Variants in ARRDC2 observed in about 807,000 individuals in gnomAD.
ARRDC2 encodes arrestin domain-containing protein 2.
Under a neutral mutation model 38.9 loss-of-function variants are expected in ARRDC2, and 39 were observed. The ratio of observed to expected loss-of-function variants is 1.00; its 90% CI spans 0.78 to 1.31. The LOEUF is 1.31. ARRDC2 is among the 50% of genes most tolerant of loss of function. ARRDC2 has a pLI of 0.00. For missense variants in ARRDC2, 553 were observed against 588.4 expected (o/e 0.94, Z 0.62); for synonymous variants, 300 against 261.9 (o/e 1.15, Z -1.41).
rs2033323609 is a variant in ARRDC2, at chr19:18,008,235, G to C, written c.-76G>C. 1.3e-6 allele frequency: 2 copies of C among 1,549,406 alleles called. No individual in the cohort carries two copies. Among genetic ancestry groups the C allele is most frequent in the African/African-American group, 1.4e-5 (1 of 69,998 alleles). ...GGCGATTTTGCGTTCTGAGGCTGCAGCGTCGGCATCTTGAGCTGCCGGTTC... is the reference window on the plus strand; with the variant it reads ...GGCGATTTTGCGTTCTGAGGCTGCACCGTCGGCATCTTGAGCTGCCGGTTC... On this transcript the variant is annotated 5_prime_UTR_variant, in exon 1 of 8. Coordinates refer to ENST00000222250, the MANE Select transcript of ARRDC2 (RefSeq NM_015683.2).
intron 7 of ARRDC2, among the ~76,000 whole-genome samples, chr19:18,011,853 C>A (rs2033417652): frequency 6.6e-6 from 1 of 150,764 alleles, no homozygotes; most frequent in Admixed American, 6.6e-5. Context: ...AAAACAAGAC[C>A]TCATCTCAAT....
chr19:18,008,115 G>GTGGGGGC, upstream of ARRDC2: 16 of 810,028 alleles, frequency 2.0e-5, no homozygotes, highest in Non-Finnish European at 2.2e-5. Context: ...AAGAGACGGT[G>GTGGGGGC]ACCCCACCCC....
upstream of ARRDC2, among the ~76,000 whole-genome samples, chr19:18,006,511 C>A (rs2033282074): frequency 6.6e-6 from 1 of 152,118 alleles, no homozygotes; most frequent in South Asian, 2.1e-4. Context: ...CGCAGGCACT[C>A]GGCAGGCTGA....
At chr19:18,011,601 C>T (rs1181553170) in intron 7 of ARRDC2, among the ~76,000 whole-genome samples, 2 of 151,992 alleles carry the variant, frequency 1.3e-5, no homozygotes, top group Non-Finnish European at 2.9e-5. Flanking sequence ...TGCGGTGGCT[C>T]ATGCCTGTAA....
At chr19:18,009,222 C>T in intron 3 of ARRDC2, 104 bp downstream of exon 3, 1 of 1,387,324 alleles carries the variant, frequency 7.2e-7, no homozygotes, top group South Asian at 1.3e-5. Context: ...TAGGTGGGCC[C>T]TGGCAGGGAG....
chr19:18,004,407 C>T (rs1413658391), upstream of ARRDC2, among the ~76,000 whole-genome samples: 1 of 150,400 alleles, frequency 6.6e-6, no homozygotes, highest in Non-Finnish European at 1.5e-5. Context: ...GCCACCACAC[C>T]CGGTAAATTT....
chr19:18,004,997 A>G (rs2033243504), upstream of ARRDC2, among the ~76,000 whole-genome samples: 1 of 151,108 alleles, frequency 6.6e-6, no homozygotes, highest in Admixed American at 6.7e-5. Flanking sequence ...AAAAAAAAAG[A>G]AAAGCAAATT....
chr19:18,013,406 T>G lies in ARRDC2; in HGVS notation c.*440T>G. The G allele has an allele frequency of 6.2e-6, 1 of 160,684 alleles. No individual in the cohort carries two copies. The highest frequency in any genetic ancestry group is 1.4e-5 in the Non-Finnish European group (1 of 73,404). 10.0% of individuals were successfully genotyped at this position (160,684 alleles called of 1,614,324 possible). ...GGGCATTTTAGCTGAGGCTTTGGAG[T>G]ACGAATAGGAGCTCAGCAGGCAGAC... On this transcript the variant is annotated 3_prime_UTR_variant, in exon 8 of 8. Coordinates refer to ENST00000222250, the MANE Select transcript of ARRDC2 (RefSeq NM_015683.2).
intron 7 of ARRDC2, among the ~76,000 whole-genome samples, chr19:18,010,964 G>A (rs902371828): frequency 6.6e-6 from 1 of 151,776 alleles, no homozygotes; most frequent in African/African-American, 2.4e-5. Context: ...ACAGGCACAC[G>A]CCACCACATC....
chr19:18,010,099 C>T (rs2033381794), intron 5 of ARRDC2, 60 bp downstream of exon 5: 1 of 1,604,302 alleles, frequency 6.2e-7, no homozygotes, highest in South Asian at 1.1e-5. Flanking sequence ...TTCCCTCAGA[C>T]TGGGGGAAGC....
In ARRDC2 at chr19:18,013,748, C is replaced by T. The variant is rs1401780865; in HGVS notation, c.*782C>T. On this transcript the variant is annotated 3_prime_UTR_variant, in exon 8 of 8. Coordinates refer to ENST00000222250, the MANE Select transcript of ARRDC2 (RefSeq NM_015683.2). ...TCAGAGCTGCCTGGGTGTTACATGGCCCAGGGAACCCAGGTTCAGGGTAGG... is the reference window on the plus strand; with the variant it reads ...TCAGAGCTGCCTGGGTGTTACATGGTCCAGGGAACCCAGGTTCAGGGTAGG... 2.0e-5 allele frequency: 3 copies of T among 152,264 alleles called. No homozygotes were observed. The highest frequency in any genetic ancestry group is 7.2e-5 in the African/African-American group (3 of 41,526). The allele number at this position is 152,264 out of a possible 1,614,324, so 9.4% of individuals were successfully genotyped here.
At chr19:18,002,740 C>A (rs1162338804) in intron 1 of ARRDC2, among the ~76,000 whole-genome samples, 5 of 152,204 alleles carry the variant, frequency 3.3e-5, no homozygotes, top group Non-Finnish European at 7.3e-5. Context: ...TCCCCGGCGA[C>A]TCGGAGAACT....
chr19:18,008,125 C>CA (rs201806774), upstream of ARRDC2: 2,711 of 838,144 alleles, frequency 3.2e-3, 72 homozygotes, highest in African/African-American at 0.049. Flanking sequence ...GACCCCACCC[C>CA]CCCCCGCCCT....
rs2033391403 is a variant in ARRDC2 at position 18,010,566 on chromosome 19, T to C, written c.1013-6T>C. On this transcript the variant is annotated splice_polypyrimidine_tract_variant and splice_region_variant and intron_variant, in intron 6 of 7. Transcript: ENST00000222250. ...CAACCTCACCCACCCTGTCTCTCGCTTCCAGCTCCTCCTGAGTACTCGGAG... is the reference window on the plus strand; with the variant it reads ...CAACCTCACCCACCCTGTCTCTCGCCTCCAGCTCCTCCTGAGTACTCGGAG... The C allele has an allele frequency of 6.2e-7, 1 of 1,613,246 alleles. No homozygotes were observed. The highest frequency in any genetic ancestry group is 8.5e-7 in the Non-Finnish European group (1 of 1,179,904).
chr19:18,007,551 G>C (rs2033304439), upstream of ARRDC2: 1 of 152,552 alleles, frequency 6.6e-6, no homozygotes. Context: ...ACAACCTTCT[G>C]AGGTCAGGAC....
upstream of ARRDC2, among the ~76,000 whole-genome samples, chr19:18,005,552 T>G (rs1326230580): frequency 6.6e-6 from 1 of 151,352 alleles, no homozygotes; most frequent in East Asian, 2.0e-4. Flanking sequence ...GCTCCTCACT[T>G]CCCAGTAGGG....
At chr19:18,001,630 T>G in intron 1 of ARRDC2, 22 of 1,283,260 alleles carry the variant, frequency 1.7e-5, no homozygotes, top group Non-Finnish European at 2.2e-5. Context: ...GCCGCGACCC[T>G]CTTCAGGGCC....
chr19:18,001,432 CG>C lies in ARRDC2; in HGVS notation c.121del (p.Val41CysfsTer6). 1 of 1,237,734 alleles carries C rather than the reference CG, an allele frequency of 8.1e-7. No individual in the cohort carries two copies. The highest frequency in any genetic ancestry group is 1.0e-6 in the Non-Finnish European group (1 of 990,030). 76.7% of individuals were successfully genotyped at this position (1,237,734 alleles called of 1,614,324 possible). A position where few individuals can be genotyped will look rare whatever the true frequency, so the allele number is the denominator to read the frequency against. On this transcript the variant is annotated frameshift_variant, in exon 1 of 8. Coordinates refer to the ARRDC2 transcript ENST00000379656. LOFTEE classifies it high-confidence loss of function. ...GCTGCTGGAGGCGGCGGCGCCGCTG[CG>C]GGTGCGAGCGCTCGAGGTGAAGGCG...
At chr19:18,008,116 ACCCCAC>A, upstream of ARRDC2, 4 of 522,498 alleles carry the variant, frequency 7.7e-6, no homozygotes, top group Non-Finnish European at 1.2e-5. Context: ...AGAGACGGTG[ACCCCAC>A]CCCCCCCCGC....
Sources: gnomAD v4.1 joint callset for allele counts (sites outside exome capture counted in the v4.1 genomes callset) on GRCh38, gnomAD v4.1.1 for gene constraint, MANE v1.5 for transcripts, NCBI Gene and HGNC (gene_info 2026-07-23, HGNC 2026-07-21) for gene names.